Variants in NDUFA12 observed in about 807,000 individuals in gnomAD.
NDUFA12 encodes the protein NADH:ubiquinone oxidoreductase subunit A12, also known as NADH dehydrogenase [ubiquinone] 1 alpha subcomplex subunit 12.
In NDUFA12, 17 loss-of-function variants were observed where a neutral mutation model predicts 20.3. That is an observed-to-expected ratio of 0.84 (90% confidence interval 0.57 to 1.26). The LOEUF is 1.26. Among genes scored for constraint, NDUFA12 ranks in the 50% most tolerant of loss-of-function variants. The pLI, the probability that NDUFA12 is intolerant of heterozygous loss-of-function variation, is 0.00. For synonymous variants in NDUFA12, 72 were observed against 63.6 expected, an observed-to-expected ratio of 1.13 and a Z score of -0.63; for missense variants, 191 against 183.7, an observed-to-expected ratio of 1.04 and a Z score of -0.23.
chr12:94,986,395 T>G (rs144402311), intron 3 of NDUFA12, among the ~76,000 whole-genome samples: 188 of 152,266 alleles, frequency 1.2e-3, no homozygotes, highest in Non-Finnish European at 2.4e-3. Context: ...GAATGGTGAC[T>G]GTAATAAATA....
intron 3 of NDUFA12, among the ~76,000 whole-genome samples, chr12:94,980,941 C>A (rs1221710036): frequency 6.6e-6 from 1 of 151,834 alleles, no homozygotes; most frequent in Non-Finnish European, 1.5e-5. Context: ...ATGAAATAGC[C>A]CAAACTTTCT....
chr12:94,991,766 CAAAT>C (rs562593399), intron 3 of NDUFA12, among the ~76,000 whole-genome samples: 130 of 150,406 alleles, frequency 8.6e-4, no homozygotes, highest in African/African-American at 3.1e-3. Context: ...AGAAGTCTCA[CAAAT>C]AAATACAGAT....
chr12:95,003,477 G>T, intron 1 of NDUFA12, 118 bp downstream of exon 1: 1 of 1,104,070 alleles, frequency 9.1e-7, no homozygotes, highest in Non-Finnish European at 1.4e-6. Flanking sequence ...GATTGGGGCG[G>T]TTGTCCTTGA....
At chr12:95,003,389 G>C (rs1314829041) in intron 1 of NDUFA12, among the ~76,000 whole-genome samples, 1 of 152,204 alleles carries the variant, frequency 6.6e-6, no homozygotes, top group Non-Finnish European at 1.5e-5. Context: ...CCGAGTCACA[G>C]CTCTGACTCT....
At chr12:94,986,957 T>C (rs369507707) in intron 3 of NDUFA12, among the ~76,000 whole-genome samples, 2 of 152,114 alleles carry the variant, frequency 1.3e-5, no homozygotes, top group African/African-American at 2.4e-5. Context: ...TAGGAGTTGA[T>C]ACAGATACAA....
At chr12:94,972,879 T>TGCGATGAA (rs60147417) in intron 3 of NDUFA12, among the ~76,000 whole-genome samples, 1 of 151,264 alleles carries the variant, frequency 6.6e-6, no homozygotes, top group African/African-American at 2.4e-5. Context: ...TGGGACAGAG[T>TGCGATGAA]GCAGGAAGCT....
intron 3 of NDUFA12, among the ~76,000 whole-genome samples, chr12:94,979,742 C>T (rs1874177342): frequency 6.7e-6 from 1 of 149,768 alleles, no homozygotes; most frequent in Non-Finnish European, 1.5e-5. Context: ...GGCAGAGGCA[C>T]AAGAATTGCT....
At chr12:94,979,688 T>C (rs533160279) in intron 3 of NDUFA12, among the ~76,000 whole-genome samples, 1 of 151,444 alleles carries the variant, frequency 6.6e-6, no homozygotes, top group South Asian at 2.1e-4. Flanking sequence ...ATACAAAAAT[T>C]AGCTGGGTGT....
At chr12:94,992,206 G>A (rs1376180548) in intron 3 of NDUFA12, among the ~76,000 whole-genome samples, 1 of 152,200 alleles carries the variant, frequency 6.6e-6, no homozygotes, top group East Asian at 1.9e-4. Context: ...TAAGTACTTT[G>A]CTTTGAAATA....
At chr12:94,989,898 C>A (rs562227845) in intron 3 of NDUFA12, among the ~76,000 whole-genome samples, 2 of 152,276 alleles carry the variant, frequency 1.3e-5, no homozygotes, top group East Asian at 3.9e-4. Context: ...CATTTTGAAG[C>A]AGGTAGATGT....
chr12:94,990,419 A>G (rs901656945), intron 3 of NDUFA12, among the ~76,000 whole-genome samples: 14 of 152,068 alleles, frequency 9.2e-5, no homozygotes, highest in African/African-American at 3.4e-4. Context: ...CACGGTAAGA[A>G]CCAAAGAGCT....
At chr12:94,975,397 A>AT (rs1449885252) in intron 3 of NDUFA12, among the ~76,000 whole-genome samples, 3 of 152,232 alleles carry the variant, frequency 2.0e-5, no homozygotes, top group South Asian at 2.1e-4. Flanking sequence ...TTAAGGTATA[A>AT]TTTTTTACTT....
At chr12:95,003,268 T>A (rs1034340917) in intron 1 of NDUFA12, among the ~76,000 whole-genome samples, 4 of 152,162 alleles carry the variant, frequency 2.6e-5, no homozygotes, top group Admixed American at 2.6e-4. Context: ...GACAAGGAAC[T>A]GTACGGCAGT....
intron 3 of NDUFA12, among the ~76,000 whole-genome samples, chr12:94,979,166 T>C (rs1874154630): frequency 1.3e-5 from 2 of 151,862 alleles, no homozygotes; most frequent in African/African-American, 4.8e-5. Context: ...AGTTCAAGGC[T>C]GTAGTGTGCT....
At chr12:94,995,242 CT>C in intron 2 of NDUFA12, among the ~76,000 whole-genome samples, 1 of 152,160 alleles carries the variant, frequency 6.6e-6, no homozygotes, top group Non-Finnish European at 1.5e-5. Flanking sequence ...GACCTCATCT[CT>C]TTTTAAAAAT....
chr12:95,000,507 G>A (rs895650052), intron 2 of NDUFA12, among the ~76,000 whole-genome samples: 1 of 152,234 alleles, frequency 6.6e-6, no homozygotes. Flanking sequence ...TAACACTGCT[G>A]AGGCTGAGAA....
intron 3 of NDUFA12, among the ~76,000 whole-genome samples, chr12:94,991,398 T>C (rs1451939693): frequency 1.3e-5 from 2 of 152,042 alleles, no homozygotes; most frequent in Non-Finnish European, 2.9e-5. Context: ...TAATGCTGTA[T>C]TTAAAATGTC....
chr12:94,971,975 T>G (rs553370025), intron 3 of NDUFA12, among the ~76,000 whole-genome samples: 1 of 152,304 alleles, frequency 6.6e-6, no homozygotes, highest in East Asian at 1.9e-4. Flanking sequence ...CAGGCTGGAA[T>G]GAAGTAGCAC....
chr12:94,980,242 T>TA (rs1296333183), intron 3 of NDUFA12, among the ~76,000 whole-genome samples: 4 of 152,156 alleles, frequency 2.6e-5, no homozygotes, highest in Non-Finnish European at 5.9e-5. Context: ...ATCACACACT[T>TA]ACTATGTCCA....
Sources: gnomAD v4.1 joint callset for allele counts (sites outside exome capture counted in the v4.1 genomes callset) on GRCh38, gnomAD v4.1.1 for gene constraint, MANE v1.5 for transcripts, NCBI Gene and HGNC (gene_info 2026-07-23, HGNC 2026-07-21) for gene names.